The following TLN2 variants were observed in gnomAD, a reference collection of about 807,000 sequenced individuals.
TLN2 encodes talin 2.
A neutral mutation model predicts 294.7 loss-of-function variants in TLN2; 118 were observed. That is an observed-to-expected ratio of 0.40 (90% confidence interval 0.34 to 0.47). TLN2 has a LOEUF of 0.47. Among genes scored for constraint, TLN2 ranks in the 20% least tolerant of loss-of-function variants. The pLI is 0.84. For missense variants in TLN2, 3,083 were observed against 3,282.2 expected, an observed-to-expected ratio of 0.94 and a Z score of 1.48; for synonymous variants, 1,431 against 1,304.5, an observed-to-expected ratio of 1.10 and a Z score of -2.09.
At chr15:62,655,511 C>T (rs557145584) in intron 7 of TLN2, among the ~76,000 whole-genome samples, 1 of 152,168 alleles carries the variant, frequency 6.6e-6, no homozygotes, top group African/African-American at 2.4e-5. Flanking sequence ...CTCAAGATCA[C>T]TTTATTAGGT....
At chr15:62,838,376 G>A (rs1216192189) in intron 57 of TLN2, among the ~76,000 whole-genome samples, 1 of 152,222 alleles carries the variant, frequency 6.6e-6, no homozygotes, top group East Asian at 1.9e-4. Flanking sequence ...CTGCAGTGAA[G>A]CCGGCACAGC....
At chr15:62,817,334 G>A (rs903797149) in intron 52 of TLN2, among the ~76,000 whole-genome samples, 1 of 152,148 alleles carries the variant, frequency 6.6e-6, no homozygotes, top group East Asian at 1.9e-4. Flanking sequence ...TTCATTCAAA[G>A]GTCTATGCTG....
chr15:62,679,030 C>CTTT (rs71131118), intron 11 of TLN2, among the ~76,000 whole-genome samples: 1 of 132,400 alleles, frequency 7.6e-6, no homozygotes, highest in African/African-American at 2.7e-5. Context: ...TATACCAAGT[C>CTTT]TTTTTTTTTT....
chr15:62,493,129 T>C (rs1190579171), intron 1 of TLN2, among the ~76,000 whole-genome samples: 1 of 152,176 alleles, frequency 6.6e-6, no homozygotes, highest in Non-Finnish European at 1.5e-5. Context: ...TAAATCATGA[T>C]CTGGGAAGTC....
At position 62,776,874 on chromosome 15, in the gene TLN2, G is replaced by A; in HGVS notation, c.5478G>A (p.Gly1826=). The A allele has an allele frequency of 6.3e-6, 10 of 1,593,376 alleles. No homozygotes were observed. The highest frequency in any genetic ancestry group is 7.7e-6 in the Non-Finnish European group (9 of 1,169,434). ...CTGCCAGTGAAGTGGGGCTGGTTGG[G>A]GGCATGGTGGACGCCATTGCAGAAG... ...NEAASEVGLV[G]GMVDAIAEAM... is the part of the protein sequence containing the mutation. Residue 1826 remains glycine, a synonymous_variant, in exon 43 of 59, where the codon GGG becomes GGA. Coordinates refer to ENST00000636159, the MANE Select transcript of TLN2 (RefSeq NM_015059.3).
At chr15:62,704,036 G>T (rs1168942080) in intron 19 of TLN2, among the ~76,000 whole-genome samples, 1 of 152,102 alleles carries the variant, frequency 6.6e-6, no homozygotes, top group Non-Finnish European at 1.5e-5. Context: ...TTACAGTTCT[G>T]GCCCAGGTTC....
chr15:62,699,074 G>A (rs1595707857), intron 16 of TLN2, among the ~76,000 whole-genome samples: 2 of 152,122 alleles, frequency 1.3e-5, no homozygotes, highest in African/African-American at 2.4e-5. Context: ...GCAGTACCAC[G>A]GGTGGGCTGA....
intron 11 of TLN2, among the ~76,000 whole-genome samples, chr15:62,677,006 T>C (rs1261572432): frequency 6.6e-6 from 1 of 152,204 alleles, no homozygotes; most frequent in African/African-American, 2.4e-5. Flanking sequence ...AGGACTTGAA[T>C]TCACGTTTCC....
intron 1 of TLN2, among the ~76,000 whole-genome samples, chr15:62,516,339 T>A (rs2040190692): frequency 6.6e-6 from 1 of 152,190 alleles, no homozygotes; most frequent in African/African-American, 2.4e-5. Flanking sequence ...ACATACAGCA[T>A]CCTTTCCTCT....
At position 62,838,979 on chromosome 15, in the gene TLN2, C is replaced by G; in HGVS notation, c.7498C>G (p.Gln2500Glu). The G allele has an allele frequency of 1.2e-6, 2 of 1,613,990 alleles. No individual in the cohort carries two copies. The highest frequency in any genetic ancestry group is 1.7e-6 in the Non-Finnish European group (2 of 1,179,956). The change falls in exon 58 of 59, where the codon CAG becomes GAG. Residue 2500 changes from glutamine (Q) to glutamate (E), a missense_variant and splice_region_variant. Transcript: ENST00000636159. ...AACCAAGTTTGTGGGGGGCATTGCT[C>G]AGGTTTGTAATTAAATCAAGAATAG... ...VKTKFVGGIA[Q>E]IIAAQEEMLK...
intron 19 of TLN2, 71 bp downstream of exon 19, chr15:62,702,935 G>A (rs913238626): frequency 8.6e-6 from 12 of 1,399,234 alleles, no homozygotes; most frequent in African/African-American, 1.4e-5. Context: ...CAGGCAGAAT[G>A]TAATATTTGA....
At chr15:62,778,592 T>G (rs1389790830) in intron 43 of TLN2, among the ~76,000 whole-genome samples, 1 of 152,260 alleles carries the variant, frequency 6.6e-6, no homozygotes, top group Non-Finnish European at 1.5e-5. Context: ...CTGTGCCTTA[T>G]GCACTGTGAT....
chr15:62,478,924 T>C (rs1452462748), intron 1 of TLN2, among the ~76,000 whole-genome samples: 3 of 152,248 alleles, frequency 2.0e-5, no homozygotes, highest in Admixed American at 2.0e-4. Context: ...TTGAACCTAC[T>C]TAGCCCGGCT....
chr15:62,690,308 G>T, intron 12 of TLN2: 1 of 162,182 alleles, frequency 6.2e-6, no homozygotes, highest in Non-Finnish European at 1.3e-5. Flanking sequence ...CGGCCGGGCA[G>T]AGACGCTCTT....
At chr15:62,487,149 G>A (rs1248553893) in intron 1 of TLN2, among the ~76,000 whole-genome samples, 1 of 152,202 alleles carries the variant, frequency 6.6e-6, no homozygotes, top group Non-Finnish European at 1.5e-5. Flanking sequence ...CAATGCTGAA[G>A]ATGATGGTCC....
At chr15:62,594,137 C>CATAG (rs1325796174) in intron 2 of TLN2, among the ~76,000 whole-genome samples, 1 of 152,154 alleles carries the variant, frequency 6.6e-6, no homozygotes, top group African/African-American at 2.4e-5. Flanking sequence ...AAAACAGACA[C>CATAG]ATAGACCAGT....
At chr15:62,465,304 G>C (rs2037065155) in intron 1 of TLN2, among the ~76,000 whole-genome samples, 1 of 151,940 alleles carries the variant, frequency 6.6e-6, no homozygotes, top group African/African-American at 2.4e-5. Context: ...TTGCCACCTG[G>C]AGAATCCGTG....
chr15:62,772,755 C>T (rs747707759), intron 42 of TLN2, among the ~76,000 whole-genome samples: 2 of 151,938 alleles, frequency 1.3e-5, no homozygotes, highest in Non-Finnish European at 2.9e-5. Flanking sequence ...CTCCGCGTCC[C>T]GGGTTCAAGT....
chr15:62,741,920 G>T (rs1204646970), intron 32 of TLN2, among the ~76,000 whole-genome samples: 5 of 151,850 alleles, frequency 3.3e-5, no homozygotes, highest in Non-Finnish European at 7.4e-5. Flanking sequence ...CAAAGTGGGG[G>T]TATGAACTAC....
Sources: allele counts gnomAD v4.1 joint callset (sites outside exome capture counted in the v4.1 genomes callset), GRCh38; gene constraint gnomAD v4.1.1; transcripts MANE v1.5; gene names NCBI Gene and HGNC (gene_info 2026-07-23, HGNC 2026-07-21).